USP54: variants seen among roughly 807,000 people sequenced by gnomAD.
The protein encoded by USP54 is ubiquitin specific peptidase 54, also known as ubiquitin carboxyl-terminal hydrolase 54.
In USP54, 87 loss-of-function variants were observed where a neutral mutation model predicts 170.5. The observed-to-expected ratio is 0.51, with a 90% CI of 0.43 to 0.61. USP54 has a LOEUF of 0.61. Among genes scored for constraint, USP54 ranks in the 20% least tolerant of loss-of-function variants. USP54 has a pLI of 0.00. For synonymous variants in USP54, 655 were observed against 742.8 expected (o/e 0.88, Z 1.92); for missense variants, 1,786 against 2,047.8 (o/e 0.87, Z 2.47).
intron 1 of USP54, among the ~76,000 whole-genome samples, chr10:73,584,166 G>C (rs952566906): frequency 6.6e-6 from 1 of 152,204 alleles, no homozygotes; most frequent in Non-Finnish European, 1.5e-5. Flanking sequence ...GAGGCGGACA[G>C]ATCACGAGGT....
At chr10:73,522,534 A>C (rs927705132) in intron 17 of USP54, among the ~76,000 whole-genome samples, 1 of 152,236 alleles carries the variant, frequency 6.6e-6, no homozygotes, top group African/African-American at 2.4e-5. Context: ...AGAGAGAGAA[A>C]AAAAGGAGAG....
intron 4 of USP54, among the ~76,000 whole-genome samples, chr10:73,570,876 G>A (rs181435364): frequency 6.6e-6 from 1 of 152,204 alleles, no homozygotes; most frequent in East Asian, 1.9e-4. Flanking sequence ...AATGGCTCAC[G>A]CCTGTAATCC....
At chr10:73,571,081 T>C (rs757407351) in intron 4 of USP54, among the ~76,000 whole-genome samples, 2 of 133,842 alleles carry the variant, frequency 1.5e-5, no homozygotes, top group Non-Finnish European at 1.5e-5. Context: ...GAGGCTGCAG[T>C]GAGCTGAGGT....
chr10:73,520,498 C>G (rs536091536), intron 18 of USP54, among the ~76,000 whole-genome samples: 15 of 152,194 alleles, frequency 9.9e-5, no homozygotes, highest in Admixed American at 3.3e-4. Context: ...AGGGGAGAAT[C>G]AGAAAGAATC....
At chr10:73,501,534 T>C (rs1329602810) in intron 22 of USP54, among the ~76,000 whole-genome samples, 1 of 152,202 alleles carries the variant, frequency 6.6e-6, no homozygotes, top group South Asian at 2.1e-4. Context: ...TGACCTTGAT[T>C]TCCCACTTCC....
At chr10:73,503,895 G>A (rs1329525179) in intron 22 of USP54, among the ~76,000 whole-genome samples, 2 of 152,072 alleles carry the variant, frequency 1.3e-5, no homozygotes, top group African/African-American at 4.8e-5. Context: ...ACCATGCCTG[G>A]CTAATTTTTA....
At chr10:73,571,204 A>G (rs1266075864) in intron 4 of USP54, among the ~76,000 whole-genome samples, 2 of 151,614 alleles carry the variant, frequency 1.3e-5, no homozygotes, top group African/African-American at 2.4e-5. Context: ...CATCAAACAG[A>G]GCTGCATAAG....
At chr10:73,587,869 C>G (rs1419833138) in intron 1 of USP54, among the ~76,000 whole-genome samples, 1 of 152,186 alleles carries the variant, frequency 6.6e-6, no homozygotes. Flanking sequence ...TAAGATGAAT[C>G]TACATTCCAA....
intron 4 of USP54, among the ~76,000 whole-genome samples, chr10:73,558,901 G>A (rs892454513): frequency 1.3e-5 from 2 of 152,108 alleles, no homozygotes; most frequent in Non-Finnish European, 2.9e-5. Flanking sequence ...ATCTACATAT[G>A]TTATGCATTT....
At chr10:73,526,556 C>T in intron 16 of USP54, 91 bp downstream of exon 16, 3 of 1,558,192 alleles carry the variant, frequency 1.9e-6, no homozygotes, top group South Asian at 1.2e-5. Context: ...CTGTAACTGT[C>T]CTCTAATTTC....
intron 4 of USP54, among the ~76,000 whole-genome samples, chr10:73,569,918 A>AC: frequency 1.5e-5 from 2 of 130,320 alleles, no homozygotes; most frequent in Non-Finnish European, 1.7e-5. Context: ...AAAAAAAAAA[A>AC]AAAAAAAAAA....
chr10:73,514,559 T>C lies in USP54; in HGVS notation c.4051+1816A>G, dbSNP rs1389861089. On this transcript the variant is annotated intron_variant, in intron 20 of 23. Transcript: ENST00000687698. ...GCCTGGGCAACAGAGCGAGACTCTGTCTCAAAAAAAAAAAAAAATTATTTG... is the reference window on the plus strand; with the variant it reads ...GCCTGGGCAACAGAGCGAGACTCTGCCTCAAAAAAAAAAAAAAATTATTTG... Among the ~76,000 whole-genome samples, 35 of 149,256 alleles carry C rather than the reference T, an allele frequency of 2.3e-4. No homozygotes were observed. The East Asian group carries it at 7.0e-3, about 30-fold the overall frequency.
rs1260793811 is a variant in USP54 at position 73,583,762 on chromosome 10, A to T, written c.-581-7401T>A. On this transcript the variant is annotated intron_variant, in intron 1 of 23. Coordinates refer to ENST00000687698, the MANE Select transcript of USP54 (RefSeq NM_001391956.1). ...AGACCCTGTCTTTAAAAATAAAAAAAAAATAAATTACAATTTAAAAAAACT... is the reference window on the plus strand; with the variant it reads ...AGACCCTGTCTTTAAAAATAAAAAATAAATAAATTACAATTTAAAAAAACT... 3.9e-5 allele frequency among the ~76,000 whole-genome samples: 6 copies of T among 152,214 alleles called. No individual in the cohort carries two copies. The South Asian group carries it at 1.2e-3, about 32-fold the overall frequency.
intron 1 of USP54, among the ~76,000 whole-genome samples, chr10:73,605,948 C>T (rs1006994543): frequency 2.0e-5 from 3 of 151,744 alleles, no homozygotes; most frequent in Non-Finnish European, 4.4e-5. Context: ...GAGGCCAAGG[C>T]GGGTGGATCA....
Position 73,536,438 on chromosome 10 carries a change from C to A in USP54, c.976-1G>T. 1 of 1,533,342 alleles carries A rather than the reference C, an allele frequency of 6.5e-7. No homozygotes were observed. The highest frequency in any genetic ancestry group is 8.8e-7 in the Non-Finnish European group (1 of 1,142,566). The allele number at this position is 1,533,342 out of a possible 1,614,324, so 95.0% of individuals were successfully genotyped here. On this transcript the variant is annotated splice_acceptor_variant, in intron 10 of 23. Transcript: ENST00000687698. LOFTEE classifies it high-confidence loss of function. ...CCACATCCTTCCATTTGGGCCCAATCTGAACCAGAAACAACCAGAAGAACA... is the reference window on the plus strand; with the variant it reads ...CCACATCCTTCCATTTGGGCCCAATATGAACCAGAAACAACCAGAAGAACA...
chr10:73,542,796 G>A lies in USP54; in HGVS notation c.572+7C>T. On this transcript the variant is annotated splice_region_variant and intron_variant, in intron 7 of 23. Transcript: ENST00000687698. ...AAACGCACAACAGAAAATCTTGTAA[G>A]ACTCACCAAAGGGAAGTGGTGGAGA... is the stretch of plus-strand genomic sequence containing the variant. 6.2e-7 allele frequency: 1 copy of A among 1,612,088 alleles called. No individual in the cohort carries two copies. The highest frequency in any genetic ancestry group is 8.5e-7 in the Non-Finnish European group (1 of 1,179,170).
Position 73,517,004 on chromosome 10 carries a change from C to T in USP54, c.3422G>A (p.Gly1141Asp), listed in dbSNP as rs749422485. 1.9e-6 allele frequency: 3 copies of T among 1,614,210 alleles called. No individual in the cohort carries two copies. In the African/African-American group the frequency reaches 4.0e-5, roughly 22 times the overall value. The change falls in exon 20 of 24, where the codon GGT becomes GAT. Residue 1141 changes from glycine to aspartate, a missense_variant. Gly to Asp is a moderately conservative substitution (Grantham distance 94, BLOSUM62 -1). This residue lies in a region of USP54 where 1,418 missense variants were observed against 1,569.0 expected (regional missense o/e 0.90). Transcript: ENST00000687698. ...ACCTGTACTATCCCTCATGGAGACA[C>T]CCTGCATCCTCTGGAACTGCTCAGC... ...SLAEQFQRMQ[G>D]VSMRDSTGFK...
chr10:73,520,197 A>C, intron 18 of USP54: 1 of 664,424 alleles, frequency 1.5e-6, no homozygotes, highest in Non-Finnish European at 2.5e-6. Context: ...CATGGAGGCC[A>C]AACAGGTTAA....
intron 1 of USP54, among the ~76,000 whole-genome samples, chr10:73,582,621 C>A (rs1284749465): frequency 6.6e-6 from 1 of 152,170 alleles, no homozygotes; most frequent in South Asian, 2.1e-4. Context: ...GAACTCCTGG[C>A]CTCAAGTGAT....
Sources: gnomAD v4.1 joint callset for allele counts (sites outside exome capture counted in the v4.1 genomes callset) on GRCh38, gnomAD v4.1.1 for gene constraint, gnomAD v4.1.1 regional missense constraint, MANE v1.5 for transcripts, NCBI Gene and HGNC (gene_info 2026-07-23, HGNC 2026-07-21) for gene names.